The following TXNRD1 variants were observed in gnomAD, a reference collection of about 807,000 sequenced individuals.
The protein encoded by TXNRD1 is thioredoxin reductase 1, cytoplasmic.
TXNRD1 carries 57 observed loss-of-function variants against 80.3 expected under a neutral mutation model. The ratio of observed to expected loss-of-function variants is 0.71; its 90% CI spans 0.57 to 0.89. The LOEUF (loss-of-function observed/expected upper bound fraction) is 0.89, where lower values mean the gene tolerates loss of function less well. Among genes scored for constraint, TXNRD1 ranks in the 40% least tolerant of loss-of-function variants. The pLI is 0.00. For missense variants in TXNRD1, 730 were observed against 803.0 expected (o/e 0.91, Z 1.10); for synonymous variants, 291 against 285.2 (o/e 1.02, Z -0.20).
At chr12:104,238,911 A>G (rs1279379440) in intron 1 of TXNRD1, among the ~76,000 whole-genome samples, 1 of 151,740 alleles carries the variant, frequency 6.6e-6, no homozygotes, top group Non-Finnish European at 1.5e-5. Context: ...CAATGGTGTG[A>G]TCTCAGCTCA....
intron 5 of TXNRD1, among the ~76,000 whole-genome samples, chr12:104,312,987 TAAG>T (rs1285421472): frequency 6.6e-6 from 1 of 152,186 alleles, no homozygotes; most frequent in Non-Finnish European, 1.5e-5. Context: ...GAGAGAAGTC[TAAG>T]GTTTCCAGCT....
intron 4 of TXNRD1, among the ~76,000 whole-genome samples, chr12:104,294,684 G>C (rs549340870): frequency 6.6e-6 from 1 of 152,216 alleles, no homozygotes; most frequent in African/African-American, 2.4e-5. Context: ...AGTCCAGGCT[G>C]GTCTCAAAAC....
rs115465174 is a variant in TXNRD1, at chr12:104,247,864, C to T, written c.92-3663C>T. ...CATGAAATCGAAGGAGTCAGTAAGG[C>T]GTTATGGAATCAGGAGGCTTGTGTG... is the stretch of plus-strand genomic sequence containing the variant. On this transcript the variant is annotated intron_variant, in intron 1 of 16. Transcript: ENST00000525566. Among the ~76,000 whole-genome samples, 275 of 152,220 alleles carry T rather than the reference C, an allele frequency of 1.8e-3. 1 individual carries two copies. Among genetic ancestry groups the T allele is most frequent in the African/African-American group, 6.5e-3 (270 of 41,538 alleles).
At chr12:104,262,625 G>T (rs1565867574) in intron 3 of TXNRD1, 1 of 152,188 alleles carries the variant, frequency 6.6e-6, no homozygotes, top group Non-Finnish European at 1.5e-5. Context: ...TGGTAGACAG[G>T]AGTATTTGGC....
At chr12:104,303,976 C>G (rs765746560) in intron 4 of TXNRD1, 16 of 1,606,036 alleles carry the variant, frequency 1.0e-5, no homozygotes, top group Non-Finnish European at 1.4e-5. Context: ...GCTGCTCCGA[C>G]GACCTCAGCT....
chr12:104,327,557 G>A lies in TXNRD1; in HGVS notation c.1428G>A (p.Val476=). 1.2e-6 allele frequency: 2 copies of A among 1,613,718 alleles called. No individual in the cohort carries two copies. Among genetic ancestry groups the A allele is most frequent in the Non-Finnish European group, 1.7e-6 (2 of 1,179,778 alleles). ...TCACAGATGAAGAACAGACCAATGT[G>A]CCTTACATCTATGCCATTGGCGATA... ...IPVTDEEQTN[V]PYIYAIGDIL... The change falls in exon 13 of 17, where the codon GTG becomes GTA. Residue 476 remains valine (V), a synonymous_variant. Transcript: ENST00000525566.
chr12:104,274,726 AT>A (rs10600916), intron 3 of TXNRD1, among the ~76,000 whole-genome samples: 3 of 90,842 alleles, frequency 3.3e-5, no homozygotes, highest in African/African-American at 4.9e-5. Flanking sequence ...AATAAAAAAA[AT>A]AATAATAATA....
In TXNRD1 at chr12:104,318,891, T is replaced by A. The variant is rs762260225; in HGVS notation, c.731-22T>A. 3.8e-6 allele frequency: 6 copies of A among 1,583,870 alleles called. No individual in the cohort carries two copies. In the African/African-American group the frequency reaches 8.2e-5, roughly 22 times the overall value. ...CAGCAGTTGAAAAGCCAAACAAGATTTTGTTTTATTTTCTTATACAGTTAA... is the reference window on the plus strand; with the variant it reads ...CAGCAGTTGAAAAGCCAAACAAGATATTGTTTTATTTTCTTATACAGTTAA... On this transcript the variant is annotated intron_variant, in intron 7 of 16. Transcript: ENST00000525566.
intron 1 of TXNRD1, among the ~76,000 whole-genome samples, chr12:104,218,074 C>G (rs1025667739): frequency 6.6e-6 from 1 of 151,888 alleles, no homozygotes; most frequent in African/African-American, 2.4e-5. Context: ...TATCGCCAGG[C>G]TGGAGTGCCG....
chr12:104,245,929 G>C (rs1397407661), intron 1 of TXNRD1, among the ~76,000 whole-genome samples: 1 of 151,868 alleles, frequency 6.6e-6, no homozygotes, highest in Non-Finnish European at 1.5e-5. Context: ...CTAACATGGT[G>C]AAACCCCGTC....
chr12:104,343,336 C>T (rs993929106), intron 16 of TXNRD1, among the ~76,000 whole-genome samples: 1 of 152,172 alleles, frequency 6.6e-6, no homozygotes, highest in Admixed American at 6.5e-5. Context: ...TTCATCTCCA[C>T]AGACTGTCCT....
chr12:104,224,754 C>T, intron 1 of TXNRD1: 1 of 445,564 alleles, frequency 2.2e-6, no homozygotes, highest in Non-Finnish European at 4.5e-6. Flanking sequence ...GGTAAATGTT[C>T]AAATATAGTT....
intron 5 of TXNRD1, 76 bp from the exon 6 acceptor site, chr12:104,313,169 T>C: frequency 1.7e-6 from 2 of 1,189,064 alleles, no homozygotes; most frequent in African/African-American, 1.5e-5. Flanking sequence ...TAAAAAAAAA[T>C]CATGGATTTT....
At chr12:104,337,128 C>G (rs979334747) in intron 15 of TXNRD1, among the ~76,000 whole-genome samples, 1 of 151,986 alleles carries the variant, frequency 6.6e-6, no homozygotes, top group African/African-American at 2.4e-5. Context: ...TTAATAATCT[C>G]TTGTTTTTTG....
chr12:104,348,649 A>T lies in TXNRD1; in HGVS notation c.*228A>T, dbSNP rs749082317. The T allele has an allele frequency of 6.5e-4, 346 of 534,802 alleles. 3 individuals are homozygous for T. The Middle Eastern group carries it at 0.011, about 17-fold the overall frequency. 33.1% of individuals were successfully genotyped at this position (534,802 alleles called of 1,614,324 possible). On this transcript the variant is annotated 3_prime_UTR_variant, in exon 17 of 17. Transcript: ENST00000525566. ...ACTTGAAGCTGACATTTGGCAGGGC[A>T]TCGAAGGGATGCATCCATGAAGTCA...
At chr12:104,304,978 A>G (rs1235231495) in intron 4 of TXNRD1, 1 of 1,517,130 alleles carries the variant, frequency 6.6e-7, no homozygotes, top group African/African-American at 1.4e-5. Context: ...TTTTTTCTGA[A>G]GTTAGATGGA....
rs74378149 is a variant in TXNRD1, at chr12:104,322,097, A to G, written c.1215+781A>G. On this transcript the variant is annotated intron_variant, in intron 10 of 16. Coordinates refer to ENST00000525566, the MANE Select transcript of TXNRD1 (RefSeq NM_001093771.3). ...TAAGAATATGAACTTTGGGATCAGA[A>G]TGACCTGAATTCAGATAATATTCTG... Among the ~76,000 whole-genome samples, 1,050 of 152,142 alleles carry G rather than the reference A, an allele frequency of 6.9e-3. 10 individuals carry two copies. The highest frequency in any genetic ancestry group is 0.022 in the African/African-American group (906 of 41,512).
At chr12:104,291,034 C>G in intron 4 of TXNRD1, 2 of 682,318 alleles carry the variant, frequency 2.9e-6, no homozygotes, top group Non-Finnish European at 5.3e-6. Flanking sequence ...GTCTTGAACT[C>G]CTGGGCTCAA....
Position 104,331,571 on chromosome 12 carries a change from C to T in TXNRD1, c.1580C>T (p.Pro527Leu). ...AATGTTCCAACCACTGTATTTACTC[C>T]TTTGGAATATGGTGCTTGTGGCCTT... ...YENVPTTVFTPLEYGACGLSE... is the reference protein window; with the variant it reads ...YENVPTTVFTLLEYGACGLSE... The change falls in exon 14 of 17, where the codon CCT (proline) becomes CTT (leucine). Residue 527 changes from proline (P) to leucine (L), a missense_variant. By Grantham distance (98) the Pro-to-Leu change is moderately conservative. Transcript: ENST00000525566. 6.2e-7 allele frequency: 1 copy of T among 1,612,054 alleles called. No homozygotes were observed. Among genetic ancestry groups the T allele is most frequent in the Non-Finnish European group, 8.5e-7 (1 of 1,178,928 alleles).
Sources: allele counts gnomAD v4.1 joint callset (sites outside exome capture counted in the v4.1 genomes callset), GRCh38; gene constraint gnomAD v4.1.1; transcripts MANE v1.5; gene names NCBI Gene and HGNC (gene_info 2026-07-23, HGNC 2026-07-21).